The following POC1A variants were observed in gnomAD, a reference collection of about 807,000 sequenced individuals.
The protein encoded by POC1A is POC1 centriolar protein homolog A.
A neutral mutation model predicts 47.8 loss-of-function variants in POC1A; 34 were observed. The ratio of observed to expected loss-of-function variants is 0.71; its 90% CI spans 0.54 to 0.95. POC1A has a LOEUF of 0.95. Among genes scored for constraint, POC1A ranks in the 40% least tolerant of loss-of-function variants. POC1A has a pLI of 0.00. For missense variants in POC1A, 466 were observed against 528.3 expected (o/e 0.88, Z 1.16); for synonymous variants, 177 against 207.6 (o/e 0.85, Z 1.27).
chr3:52,086,555 G>A (rs1702462040), intron 10 of POC1A, among the ~76,000 whole-genome samples: 1 of 152,196 alleles, frequency 6.6e-6, no homozygotes, highest in Admixed American at 6.5e-5. Context: ...TTTGTCACTT[G>A]GTGTAAGCCT....
At chr3:52,100,216 A>C (rs1292045507) in intron 9 of POC1A, among the ~76,000 whole-genome samples, 5 of 152,362 alleles carry the variant, frequency 3.3e-5, no homozygotes, top group South Asian at 2.1e-4. Context: ...ACCCAGACAC[A>C]TGAGGAACCA....
chr3:52,127,712 T>C (rs898988785), intron 7 of POC1A, among the ~76,000 whole-genome samples: 3 of 151,766 alleles, frequency 2.0e-5, no homozygotes, highest in Non-Finnish European at 4.4e-5. Flanking sequence ...TTTTTTTTTT[T>C]TGAGACAAAG....
At chr3:52,151,911 AAAAC>A (rs927247198) in intron 1 of POC1A, among the ~76,000 whole-genome samples, 33 of 152,294 alleles carry the variant, frequency 2.2e-4, no homozygotes, top group Admixed American at 1.4e-3. Context: ...AAAATCTTTA[AAAAC>A]AAACAAACAA....
At chr3:52,134,586 C>T (rs375065233) in intron 7 of POC1A, among the ~76,000 whole-genome samples, 1 of 152,072 alleles carries the variant, frequency 6.6e-6, no homozygotes, top group African/African-American at 2.4e-5. Context: ...GAGCTGAGAT[C>T]GCACCACTGC....
intron 2 of POC1A, 142 bp downstream of exon 2, chr3:52,150,874 G>A: frequency 5.8e-6 from 4 of 695,410 alleles, no homozygotes; most frequent in Non-Finnish European, 7.5e-6. Flanking sequence ...CAAAGAGCTG[G>A]CAAGCAGAAG....
At chr3:52,117,005 TG>T (rs1180261018) in intron 9 of POC1A, among the ~76,000 whole-genome samples, 1 of 152,070 alleles carries the variant, frequency 6.6e-6, no homozygotes, top group African/African-American at 2.4e-5. Context: ...CTGGCCAACA[TG>T]GTGAAATCCC....
At chr3:52,077,374 A>C (rs1190249328) in intron 10 of POC1A, among the ~76,000 whole-genome samples, 3 of 152,236 alleles carry the variant, frequency 2.0e-5, no homozygotes, top group African/African-American at 7.2e-5. Flanking sequence ...TCCCCCTTTA[A>C]GGCTGCTATA....
At chr3:52,154,325 G>A in intron 1 of POC1A, 30 bp downstream of exon 1, 4 of 1,557,302 alleles carry the variant, frequency 2.6e-6, no homozygotes, top group Non-Finnish European at 3.5e-6. Context: ...GGAGACTGAG[G>A]CCTGGGGAGT....
chr3:52,139,428 C>G (rs778277839), intron 6 of POC1A, among the ~76,000 whole-genome samples: 16 of 152,194 alleles, frequency 1.1e-4, no homozygotes, highest in Non-Finnish European at 2.2e-4. Flanking sequence ...AGCCGGCCAC[C>G]CCAGCTCTGT....
intron 10 of POC1A, among the ~76,000 whole-genome samples, chr3:52,078,846 G>A (rs953064273): frequency 6.6e-6 from 1 of 152,254 alleles, no homozygotes; most frequent in African/African-American, 2.4e-5. Context: ...CCTCTACAAG[G>A]GGAAGGAAGG....
chr3:52,082,690 G>A (rs1356893998), intron 10 of POC1A, among the ~76,000 whole-genome samples: 1 of 152,108 alleles, frequency 6.6e-6, no homozygotes, highest in Non-Finnish European at 1.5e-5. Flanking sequence ...AGGGCCTTCT[G>A]AGCATGGTAT....
intron 10 of POC1A, among the ~76,000 whole-genome samples, chr3:52,082,295 T>C (rs1387968353): frequency 6.6e-6 from 1 of 152,124 alleles, no homozygotes; most frequent in East Asian, 1.9e-4. Flanking sequence ...ATGTCAGCGA[T>C]GGGCTGAACG....
intron 6 of POC1A, among the ~76,000 whole-genome samples, chr3:52,138,508 A>T (rs1386134599): frequency 1.3e-5 from 2 of 152,248 alleles, no homozygotes; most frequent in Non-Finnish European, 2.9e-5. Flanking sequence ...AGGCCTGTTC[A>T]GAGCCAAGGG....
Position 52,150,060 on chromosome 3 carries a change from C to A in POC1A, c.104-73G>T, listed in dbSNP as rs1026930206. The A allele has an allele frequency of 8.1e-5, 108 of 1,338,592 alleles. 1 individual carries two copies. Among genetic ancestry groups the A allele is most frequent in the Non-Finnish European group, 1.0e-4 (101 of 964,418 alleles). 82.9% of individuals were successfully genotyped at this position (1,338,592 alleles called of 1,614,324 possible). On this transcript the variant is annotated intron_variant, in intron 2 of 10. Transcript: ENST00000296484. ...AGCCTCCACCAAGACATTGGAGAGG[C>A]AGGGGGAGCAACTGGCCCAGCTCCA...
At chr3:52,133,855 T>G (rs1046304882) in intron 7 of POC1A, among the ~76,000 whole-genome samples, 7 of 152,236 alleles carry the variant, frequency 4.6e-5, no homozygotes, top group Non-Finnish European at 8.8e-5. Flanking sequence ...CAGCTCCCTG[T>G]GGCTGACCTC....
At chr3:52,125,025 C>G in intron 8 of POC1A, 88 bp downstream of exon 8, 1 of 1,039,568 alleles carries the variant, frequency 9.6e-7, no homozygotes, top group Non-Finnish European at 1.4e-6. Context: ...CGAAACCCAG[C>G]CCATCCCCCA....
chr3:52,086,223 C>A (rs781191325), intron 10 of POC1A, among the ~76,000 whole-genome samples: 1 of 152,136 alleles, frequency 6.6e-6, no homozygotes, highest in African/African-American at 2.4e-5. Context: ...AGGGAGAGGG[C>A]GCAGTCACCC....
chr3:52,141,995 G>A (rs79276219), intron 6 of POC1A, among the ~76,000 whole-genome samples: 4 of 152,326 alleles, frequency 2.6e-5, no homozygotes, highest in East Asian at 1.9e-4. Context: ...AGCCTGAAGA[G>A]TAAATGACTA....
At chr3:52,136,443 C>G (rs1455182692) in intron 7 of POC1A, among the ~76,000 whole-genome samples, 1 of 152,204 alleles carries the variant, frequency 6.6e-6, no homozygotes, top group African/African-American at 2.4e-5. Flanking sequence ...TCTTCCCAGG[C>G]CAGGAAGCCC....
Sources: gnomAD v4.1 joint callset for allele counts (sites outside exome capture counted in the v4.1 genomes callset) on GRCh38, gnomAD v4.1.1 for gene constraint, MANE v1.5 for transcripts, NCBI Gene and HGNC (gene_info 2026-07-23, HGNC 2026-07-21) for gene names.